The following DNAH8 variants were observed in gnomAD, a reference collection of about 807,000 sequenced individuals.
DNAH8 encodes dynein axonemal heavy chain 8, also known as axonemal beta dynein heavy chain 8.
In DNAH8, 382 loss-of-function variants were observed where a neutral mutation model predicts 562.1. The observed-to-expected ratio is 0.68, with a 90% confidence interval of 0.63 to 0.74. DNAH8 has a LOEUF of 0.74. Among genes scored for constraint, DNAH8 ranks in the 30% least tolerant of loss-of-function variants. DNAH8 has a pLI of 0.00. For synonymous variants in DNAH8, 1,881 were observed against 1,919.4 expected, an observed-to-expected ratio of 0.98 and a Z score of 0.52; for missense variants, 5,203 against 5,620.4, an observed-to-expected ratio of 0.93 and a Z score of 2.37.
intron 13 of DNAH8, 68 bp from the exon 14 acceptor site, chr6:38,778,320 A>G (rs918698136): frequency 1.2e-6 from 1 of 807,502 alleles, no homozygotes; most frequent in African/African-American, 1.8e-5. Context: ...GAAAAGCATT[A>G]ACTGTTGTTA....
intron 36 of DNAH8, among the ~76,000 whole-genome samples, chr6:38,848,314 CT>C (rs1186641357): frequency 6.6e-6 from 1 of 152,150 alleles, no homozygotes; most frequent in Non-Finnish European, 1.5e-5. Context: ...GGTTCACAGA[CT>C]TTTTGGAAAA....
intron 18 of DNAH8, among the ~76,000 whole-genome samples, chr6:38,787,620 C>T (rs376792563): frequency 6.3e-4 from 93 of 147,892 alleles, no homozygotes; most frequent in African/African-American, 2.1e-3. Context: ...TGCCTAAACC[C>T]GGGAGGTGGA....
At chr6:38,919,629 T>G (rs889389949) in intron 70 of DNAH8, among the ~76,000 whole-genome samples, 1 of 152,220 alleles carries the variant, frequency 6.6e-6, no homozygotes, top group East Asian at 1.9e-4. Context: ...TAAGAATTAA[T>G]TATATTCAAT....
Position 38,853,977 on chromosome 6 carries a change from T to A in DNAH8, c.5733+630T>A, listed in dbSNP as rs576073209. Among the ~76,000 whole-genome samples the A allele has an allele frequency of 3.3e-5, 5 of 151,992 alleles. No homozygotes were observed. The East Asian group carries it at 9.7e-4, about 29-fold the overall frequency. On this transcript the variant is annotated intron_variant, in intron 41 of 92. Transcript: ENST00000327475. ...TGCACTGTCGTAAAGTAAAAAAAAT[T>A]TTTAAGTTGTACCATTGAAAGTTGG...
rs1054848986 is a variant in DNAH8 at position 38,973,830 on chromosome 6, C to G, written c.12678+17C>G. 2.5e-6 allele frequency: 4 copies of G among 1,579,706 alleles called. No homozygotes were observed. The highest frequency in any genetic ancestry group is 3.4e-6 in the Non-Finnish European group (4 of 1,163,962). ...TTGCTTCAGGTTTGTTACTAAACGT[C>G]TTTTCATCGAGAGTCATAGTAATAA... On this transcript the variant is annotated intron_variant, in intron 84 of 92. Coordinates refer to ENST00000327475, the MANE Select transcript of DNAH8 (RefSeq NM_001206927.2).
intron 62 of DNAH8, among the ~76,000 whole-genome samples, chr6:38,904,516 C>T (rs1053855588): frequency 2.0e-5 from 3 of 152,156 alleles, no homozygotes; most frequent in South Asian, 4.2e-4. Context: ...GCTGGCCGGG[C>T]GCCCTGGCTC....
At chr6:38,809,476 A>G (rs1771600809) in intron 24 of DNAH8, among the ~76,000 whole-genome samples, 1 of 152,206 alleles carries the variant, frequency 6.6e-6, no homozygotes, top group African/African-American at 2.4e-5. Flanking sequence ...TGACCAAGCA[A>G]AAGTTGTTGA....
At chr6:38,744,677 C>T (rs914267524) in intron 8 of DNAH8, among the ~76,000 whole-genome samples, 59 of 152,104 alleles carry the variant, frequency 3.9e-4, no homozygotes, top group Admixed American at 2.6e-4. Context: ...ACTGCACGCT[C>T]GACCTCCCGG....
chr6:38,881,131 A>G (rs201061708), intron 53 of DNAH8, among the ~76,000 whole-genome samples: 1 of 80,310 alleles, frequency 1.2e-5, no homozygotes, highest in South Asian at 8.1e-4. Flanking sequence ...GCCGTAATAG[A>G]GCACCTAGAG....
At chr6:38,925,512 C>T (rs1350543418) in intron 73 of DNAH8, among the ~76,000 whole-genome samples, 3 of 151,692 alleles carry the variant, frequency 2.0e-5, no homozygotes, top group African/African-American at 7.3e-5. Context: ...TTTTATTGAT[C>T]ACATGGTGGG....
Position 38,863,864 on chromosome 6 carries a change from T to C in DNAH8, c.6311-9T>C. The C allele has an allele frequency of 6.4e-7, 1 of 1,570,374 alleles. No homozygotes were observed. The highest frequency in any genetic ancestry group is 8.6e-7 in the Non-Finnish European group (1 of 1,166,474). On this transcript the variant is annotated splice_polypyrimidine_tract_variant and intron_variant, in intron 44 of 92. Coordinates refer to ENST00000327475, the MANE Select transcript of DNAH8 (RefSeq NM_001206927.2). ...TAAAACTTTACAAATTAACTGTTTT[T>C]CATGCCAGGTCTTGCACAGTCGGGT...
At chr6:38,777,236 A>T (rs917226139) in intron 13 of DNAH8, among the ~76,000 whole-genome samples, 1 of 152,152 alleles carries the variant, frequency 6.6e-6, no homozygotes, top group Non-Finnish European at 1.5e-5. Flanking sequence ...AAATGCTTCG[A>T]AAGTTAAATC....
chr6:38,988,302 A>G lies in DNAH8; in HGVS notation c.13054-1710A>G, dbSNP rs552645589. On this transcript the variant is annotated intron_variant, in intron 87 of 92. Coordinates refer to ENST00000327475, the MANE Select transcript of DNAH8 (RefSeq NM_001206927.2). ...TGACTTTGCCCCCAAATAGCCTCCA[A>G]ATTTGGTGAAACTCAGCTATTTGTA... Among the ~76,000 whole-genome samples the G allele has an allele frequency of 6.6e-5, 10 of 152,250 alleles. No individual in the cohort carries two copies. The South Asian group carries it at 1.0e-3, about 16-fold the overall frequency.
intron 33 of DNAH8, among the ~76,000 whole-genome samples, chr6:38,842,102 AT>A (rs1262498742): frequency 3.3e-5 from 5 of 152,086 alleles, no homozygotes; most frequent in South Asian, 2.1e-4. Flanking sequence ...AAGTAGCAAG[AT>A]TTTTTTTCTT....
intron 76 of DNAH8, among the ~76,000 whole-genome samples, chr6:38,933,113 G>C (rs897761192): frequency 1.3e-5 from 2 of 152,138 alleles, no homozygotes; most frequent in Non-Finnish European, 2.9e-5. Flanking sequence ...GCTGTTAACT[G>C]TTGACAGTTA....
In DNAH8 at chr6:38,723,084, C is replaced by T. The variant is rs757958716; in HGVS notation, c.275C>T (p.Pro92Leu). The change falls in exon 2 of 93, where the codon CCG (proline) becomes CTG (leucine). Residue 92 changes from proline to leucine, a missense_variant. Physicochemically the swap from Pro to Leu is moderately conservative, Grantham distance 98. This residue lies in a region of DNAH8 where 556 missense variants were observed against 496.9 expected (regional missense o/e 1.12). Transcript: ENST00000327475. ...NRVRQRLAPR[P>L]VQSVISEVLS... is the part of the protein sequence containing the mutation. ...GTTCGACAGAGGCTTGCACCGCGAC[C>T]GGTTCAGTCAGTGATTTCGGAAGTG... 5 of 1,612,752 alleles carry T rather than the reference C, an allele frequency of 3.1e-6. No individual in the cohort carries two copies. In the Admixed American group the frequency reaches 5.0e-5, roughly 16 times the overall value.
Position 38,862,328 on chromosome 6 carries a change from T to C in DNAH8, c.6180T>C (p.Ala2060=). 3 of 1,614,074 alleles carry C rather than the reference T, an allele frequency of 1.9e-6. No homozygotes were observed. The highest frequency in any genetic ancestry group is 2.5e-6 in the Non-Finnish European group (3 of 1,179,966). ...AQALGMNMGG[A]PAGPAGTGKT... is the part of the protein sequence containing the mutation. ...CCTTGGGCATGAACATGGGAGGTGC[T>C]CCCGCAGGACCTGCTGGCACTGGCA... Residue 2060 remains alanine (A), a synonymous_variant, in exon 44 of 93, where the codon GCT becomes GCC. Coordinates refer to ENST00000327475, the MANE Select transcript of DNAH8 (RefSeq NM_001206927.2).
intron 68 of DNAH8, among the ~76,000 whole-genome samples, chr6:38,916,218 T>G (rs1781303225): frequency 6.6e-6 from 1 of 152,196 alleles, no homozygotes; most frequent in African/African-American, 2.4e-5. Flanking sequence ...GATCCAGTCA[T>G]ACAGAAAAAT....
At chr6:38,812,912 A>G (rs1771926082) in intron 24 of DNAH8, among the ~76,000 whole-genome samples, 1 of 152,232 alleles carries the variant, frequency 6.6e-6, no homozygotes, top group Non-Finnish European at 1.5e-5. Context: ...GGAAAGAATA[A>G]TAATCGTAGG....
Sources: gnomAD v4.1 joint callset for allele counts (sites outside exome capture counted in the v4.1 genomes callset) on GRCh38, gnomAD v4.1.1 for gene constraint, gnomAD v4.1.1 regional missense constraint, MANE v1.5 for transcripts, NCBI Gene and HGNC (gene_info 2026-07-23, HGNC 2026-07-21) for gene names.